Variants in SEC24D observed in about 807,000 individuals in gnomAD.
The protein encoded by SEC24D is protein transport protein Sec24D.
In SEC24D, 69 loss-of-function variants were observed where a neutral mutation model predicts 116.9. The observed-to-expected ratio is 0.59, with a 90% CI of 0.49 to 0.72. The LOEUF (loss-of-function observed/expected upper bound fraction) is 0.72. SEC24D is among the 30% of genes least tolerant of loss of function. SEC24D has a pLI of 0.00. For missense variants in SEC24D, 1,131 were observed against 1,264.1 expected, an observed-to-expected ratio of 0.89 and a Z score of 1.60; for synonymous variants, 405 against 442.8, an observed-to-expected ratio of 0.91 and a Z score of 1.07.
intron 3 of SEC24D, among the ~76,000 whole-genome samples, chr4:118,820,653 A>T (rs1730362159): frequency 7.5e-6 from 1 of 133,522 alleles, no homozygotes; most frequent in Non-Finnish European, 1.7e-5. Context: ...TGTGAAATGG[A>T]GTGATCCCTT....
chr4:118,798,564 C>T (rs184221139), intron 7 of SEC24D, among the ~76,000 whole-genome samples: 36 of 152,278 alleles, frequency 2.4e-4, no homozygotes, highest in Admixed American at 3.9e-4. Context: ...CACTGAATGT[C>T]TAAGACATTT....
At chr4:118,799,823 GA>G (rs1729348511) in intron 7 of SEC24D, among the ~76,000 whole-genome samples, 1 of 152,190 alleles carries the variant, frequency 6.6e-6, no homozygotes, top group African/African-American at 2.4e-5. Flanking sequence ...AACAGAAGGA[GA>G]AGAATTGGCA....
At position 118,798,416 on chromosome 4, in the gene SEC24D, C is replaced by CT. The variant is rs570292144; in HGVS notation, c.914-607dup. On this transcript the variant is annotated intron_variant, in intron 7 of 22. Coordinates refer to ENST00000280551, the MANE Select transcript of SEC24D (RefSeq NM_014822.4). Reference sequence around the variant, plus strand: ...ATGTTAGGCTTCCTGACCAAAATATCTTTACTTCATGGCATATCCGAGTGT... The same window carrying CT: ...ATGTTAGGCTTCCTGACCAAAATATCTTTTACTTCATGGCATATCCGAGTGT... 4.9e-4 allele frequency among the ~76,000 whole-genome samples: 75 copies of CT among 152,276 alleles called. No homozygotes were observed. The East Asian group carries it at 0.013, about 26-fold the overall frequency.
At chr4:118,799,946 TA>T (rs1560719975) in intron 7 of SEC24D, among the ~76,000 whole-genome samples, 1 of 152,070 alleles carries the variant, frequency 6.6e-6, no homozygotes, top group Non-Finnish European at 1.5e-5. Context: ...AGGTTTTTTT[TA>T]AAAAAAGATG....
At chr4:118,817,482 T>C in intron 3 of SEC24D, 70 bp from the exon 4 acceptor site, 2 of 1,345,836 alleles carry the variant, frequency 1.5e-6, no homozygotes, top group Non-Finnish European at 2.0e-6. Context: ...ATAATGTTAA[T>C]AGCTTGTAAA....
intron 22 of SEC24D, among the ~76,000 whole-genome samples, chr4:118,727,612 TA>T (rs2110425792): frequency 6.6e-6 from 1 of 151,902 alleles, no homozygotes; most frequent in Non-Finnish European, 1.5e-5. Flanking sequence ...AAGATTTGGT[TA>T]CATGTTTCTA....
chr4:118,752,934 T>A, intron 11 of SEC24D, 46 bp from the exon 12 acceptor site: 1 of 1,388,712 alleles, frequency 7.2e-7, no homozygotes, highest in East Asian at 2.4e-5. Flanking sequence ...TAAATTTAGA[T>A]GAAAAGGAGG....
At position 118,782,336 on chromosome 4, in the gene SEC24D, G is replaced by T. The variant is rs374805023; in HGVS notation, c.1042-14025C>A. 9.7e-4 allele frequency among the ~76,000 whole-genome samples: 148 copies of T among 152,308 alleles called. 1 individual carries two copies. In the South Asian group the frequency reaches 0.03, roughly 31 times the overall value. ...CTGTTTGTTAGTCTTCCTTCTAACAGGTCCCTCAGCAGCAGGGCTGTTGGA... is the reference window on the plus strand; with the variant it reads ...CTGTTTGTTAGTCTTCCTTCTAACATGTCCCTCAGCAGCAGGGCTGTTGGA... On this transcript the variant is annotated intron_variant, in intron 8 of 22. Coordinates refer to ENST00000280551, the MANE Select transcript of SEC24D (RefSeq NM_014822.4).
At chr4:118,751,529 A>G (rs1362058540) in intron 13 of SEC24D, among the ~76,000 whole-genome samples, 3 of 152,124 alleles carry the variant, frequency 2.0e-5, no homozygotes, top group East Asian at 1.9e-4. Context: ...GAATGATCAG[A>G]GTCATTTTGG....
chr4:118,825,520 C>CT, intron 2 of SEC24D: 1 of 451,788 alleles, frequency 2.2e-6, no homozygotes, highest in Middle Eastern at 3.3e-4. Context: ...GGAGAGAAAT[C>CT]ACTGGGCTTG....
chr4:118,780,423 C>G (rs539606672), intron 8 of SEC24D, among the ~76,000 whole-genome samples: 4 of 152,306 alleles, frequency 2.6e-5, no homozygotes, highest in Non-Finnish European at 4.4e-5. Context: ...TAGTGAGTTT[C>G]TTAATCCTGA....
intron 10 of SEC24D, among the ~76,000 whole-genome samples, chr4:118,762,014 AGC>A (rs760028324): frequency 1.2e-4 from 18 of 152,318 alleles, no homozygotes; most frequent in Non-Finnish European, 2.4e-4. Flanking sequence ...TATGCCTTAC[AGC>A]ACACAGACAA....
rs748984497 is a variant in SEC24D at position 118,741,016 on chromosome 4, A to C, written c.2017T>G (p.Phe673Val). ...ATATCATTTCTGAGGTCGTTCAAAA[A>C]TTGTTGTCTATCCAAGTGCATCTAA... ...NFQMHLDRQQ[F>V]LNDLRNDIEK... Residue 673 changes from phenylalanine (F) to valine (V), a missense_variant, in exon 16 of 23, where the codon TTT becomes GTT. Physicochemically the swap from Phe to Val is conservative, Grantham distance 50 (BLOSUM62 -1). Transcript: ENST00000280551. 1.9e-6 allele frequency: 3 copies of C among 1,581,480 alleles called. No individual in the cohort carries two copies. In the South Asian group the frequency reaches 3.4e-5, roughly 18 times the overall value.
intron 8 of SEC24D, among the ~76,000 whole-genome samples, chr4:118,780,563 T>A (rs748844978): frequency 1.6e-4 from 24 of 152,200 alleles, no homozygotes; most frequent in Admixed American, 8.5e-4. Context: ...GGTACTGAGA[T>A]GAATGTATAT....
intron 8 of SEC24D, among the ~76,000 whole-genome samples, chr4:118,794,341 C>A (rs1729081219): frequency 6.6e-6 from 1 of 152,050 alleles, no homozygotes; most frequent in African/African-American, 2.4e-5. Context: ...GAGTTTTGTT[C>A]TATTTCATGC....
chr4:118,815,752 C>G, intron 4 of SEC24D, 26 bp from the exon 5 acceptor site: 1 of 1,610,090 alleles, frequency 6.2e-7, no homozygotes, highest in Non-Finnish European at 8.5e-7. Context: ...GACCAGCCCA[C>G]TTAAATACCA....
chr4:118,768,401 T>TC (rs1285919266), intron 8 of SEC24D, 90 bp from the exon 9 acceptor site: 1 of 1,073,070 alleles, frequency 9.3e-7, no homozygotes, highest in African/African-American at 1.6e-5. Flanking sequence ...GCACTTTTTT[T>TC]TTTTTTTTTT....
At chr4:118,758,923 T>C (rs1228327334) in intron 10 of SEC24D, among the ~76,000 whole-genome samples, 1 of 152,204 alleles carries the variant, frequency 6.6e-6, no homozygotes, top group Non-Finnish European at 1.5e-5. Flanking sequence ...GAATAATTTT[T>C]ATTGCAAATC....
chr4:118,781,435 TAG>T lies in SEC24D; in HGVS notation c.1042-13126_1042-13125del, dbSNP rs796362335. Among the ~76,000 whole-genome samples the T allele has an allele frequency of 2.2e-4, 34 of 152,348 alleles. 1 individual carries two copies. The highest frequency in any genetic ancestry group is 7.7e-4 in the African/African-American group (32 of 41,576). On this transcript the variant is annotated intron_variant, in intron 8 of 22. Coordinates refer to ENST00000280551, the MANE Select transcript of SEC24D (RefSeq NM_014822.4). ...TTGGCCCCCACTCTCTTCTGGCTTG[TAG>T]AGTTTTTGCCTAGAGGTCCGCTGTT...
Sources: gnomAD v4.1 joint callset for allele counts (sites outside exome capture counted in the v4.1 genomes callset) on GRCh38, gnomAD v4.1.1 for gene constraint, MANE v1.5 for transcripts, NCBI Gene and HGNC (gene_info 2026-07-23, HGNC 2026-07-21) for gene names.